The following SLC17A6 variants were observed in gnomAD, a reference collection of about 807,000 sequenced individuals.
SLC17A6 encodes solute carrier family 17 member 6.
A neutral mutation model predicts 67.1 loss-of-function variants in SLC17A6; 35 were observed. The observed-to-expected ratio is 0.52, with a 90% CI of 0.40 to 0.69. The LOEUF (loss-of-function observed/expected upper bound fraction) is 0.69, where lower values mean the gene tolerates loss of function less well. Ranked by LOEUF, SLC17A6 falls within the 30% of genes least tolerant of loss-of-function variation. The pLI, the probability that SLC17A6 is intolerant of heterozygous loss-of-function variation, is 0.00. For synonymous variants in SLC17A6, 285 were observed against 252.3 expected (o/e 1.13, Z -1.23); for missense variants, 588 against 723.9 (o/e 0.81, Z 2.15).
intron 8 of SLC17A6, among the ~76,000 whole-genome samples, chr11:22,372,052 A>C (rs980978855): frequency 6.6e-6 from 1 of 152,070 alleles, no homozygotes; most frequent in Non-Finnish European, 1.5e-5. Context: ...TAATGATATT[A>C]TTTAAGAAGT....
chr11:22,365,433 A>C, intron 6 of SLC17A6, 114 bp from the exon 7 acceptor site: 2 of 1,226,484 alleles, frequency 1.6e-6, no homozygotes, highest in Non-Finnish European at 2.4e-6. Context: ...GAGAAACATA[A>C]GCTTGAATTC....
chr11:22,339,144 TA>T (rs879399189), intron 1 of SLC17A6, among the ~76,000 whole-genome samples: 30,972 of 52,608 alleles, frequency 0.59, 7,576 homozygotes, highest in Admixed American at 0.64. Context: ...ATATATATGT[TA>T]TATATAGTTA....
At chr11:22,354,775 C>T (rs577905116) in intron 3 of SLC17A6, among the ~76,000 whole-genome samples, 2 of 152,346 alleles carry the variant, frequency 1.3e-5, no homozygotes, top group East Asian at 1.9e-4. Flanking sequence ...TTTTTACTCA[C>T]TCGGACATGG....
At chr11:22,369,998 T>C (rs1564986195) in intron 7 of SLC17A6, 41 bp from the exon 8 acceptor site, 4 of 1,584,174 alleles carry the variant, frequency 2.5e-6, no homozygotes, top group Non-Finnish European at 3.4e-6. Flanking sequence ...GGTTTGAAAA[T>C]ATTTAAAATG....
In SLC17A6 at chr11:22,341,570, G is replaced by A. The variant is rs1564977590; in HGVS notation, c.129G>A (p.Leu43=). 1 of 1,614,060 alleles carries A rather than the reference G, an allele frequency of 6.2e-7. No homozygotes were observed. Among genetic ancestry groups the A allele is most frequent in the Non-Finnish European group, 8.5e-7 (1 of 1,180,038 alleles). ...KKQDTGETIE[L]TEDGKPLEVP... ...AAGACACCGGGGAGACAATCGAGCT[G>A]ACGGAGGATGGGAAGCCCCTAGAGG... is the stretch of plus-strand genomic sequence containing the variant. The change falls in exon 2 of 12, where the codon CTG becomes CTA. Residue 43 remains leucine (L), a synonymous_variant. Coordinates refer to ENST00000263160, the MANE Select transcript of SLC17A6 (RefSeq NM_020346.3).
chr11:22,354,351 T>A (rs1199327587), intron 3 of SLC17A6, among the ~76,000 whole-genome samples: 4 of 152,250 alleles, frequency 2.6e-5, no homozygotes, highest in Non-Finnish European at 5.9e-5. Context: ...CCAAAAATGC[T>A]GGGATTACAG....
intron 7 of SLC17A6, among the ~76,000 whole-genome samples, chr11:22,367,539 A>G (rs1004625074): frequency 3.3e-5 from 5 of 152,094 alleles, no homozygotes; most frequent in African/African-American, 1.2e-4. Flanking sequence ...GATTGCTAGT[A>G]TGCACTGGTG....
chr11:22,351,277 G>C (rs560143109), intron 3 of SLC17A6, among the ~76,000 whole-genome samples: 1 of 151,930 alleles, frequency 6.6e-6, no homozygotes, highest in East Asian at 1.9e-4. Flanking sequence ...ACATGTACAG[G>C]CTTGTCATGT....
rs1436207620 is a variant in SLC17A6, at chr11:22,377,906, CT to C, written c.*167del. ...CCATGAGGTTACCATCAAGTGCAAT[CT>C]GTAAAATTGTGAAGTTCCATCATTT... On this transcript the variant is annotated 3_prime_UTR_variant, in exon 12 of 12. Coordinates refer to ENST00000263160, the MANE Select transcript of SLC17A6 (RefSeq NM_020346.3). 2 of 579,220 alleles carry C rather than the reference CT, an allele frequency of 3.5e-6. No individual in the cohort carries two copies. The highest frequency in any genetic ancestry group is 5.9e-5 in the East Asian group (2 of 34,052). The allele number at this position is 579,220 out of a possible 1,614,324, so 35.9% of individuals were successfully genotyped here.
intron 2 of SLC17A6, among the ~76,000 whole-genome samples, chr11:22,342,111 A>G (rs1266114758): frequency 1.3e-5 from 2 of 152,240 alleles, no homozygotes; most frequent in Admixed American, 6.5e-5. Flanking sequence ...ACTTGGATGA[A>G]TAGTGTAGCA....
At chr11:22,366,837 C>G (rs1000326424) in intron 7 of SLC17A6, among the ~76,000 whole-genome samples, 92 of 151,932 alleles carry the variant, frequency 6.1e-4, no homozygotes, top group African/African-American at 2.1e-3. Context: ...AACCCCGTCT[C>G]TACTAAAAAT....
At chr11:22,369,886 A>G (rs1856156447) in intron 7 of SLC17A6, among the ~76,000 whole-genome samples, 153 bp from the exon 8 acceptor site, 1 of 152,008 alleles carries the variant, frequency 6.6e-6, no homozygotes, top group African/African-American at 2.4e-5. Context: ...AGCTAAGGTT[A>G]ACTGGGTGGT....
chr11:22,375,023 C>A, intron 9 of SLC17A6, 136 bp downstream of exon 9: 2 of 896,264 alleles, frequency 2.2e-6, no homozygotes, highest in Non-Finnish European at 3.2e-6. Flanking sequence ...CTTAAAATAA[C>A]TTCCTCATAT....
In SLC17A6 at chr11:22,350,408, T is replaced by C. The variant is rs746170143; in HGVS notation, c.458+7043T>C. On this transcript the variant is annotated intron_variant, in intron 3 of 11. Coordinates refer to ENST00000263160, the MANE Select transcript of SLC17A6 (RefSeq NM_020346.3). Reference sequence around the variant, plus strand: ...AAGCAGAAATCAGGCTTTAACCTGATAATAATCAGCAAATTTATTTGAGAA... The same window carrying C: ...AAGCAGAAATCAGGCTTTAACCTGACAATAATCAGCAAATTTATTTGAGAA... Among the ~76,000 whole-genome samples the C allele has an allele frequency of 9.2e-5, 14 of 152,164 alleles. 1 individual carries two copies. The Middle Eastern group carries it at 0.017, about 185-fold the overall frequency.
chr11:22,349,422 A>G (rs887498889), intron 3 of SLC17A6, among the ~76,000 whole-genome samples: 5 of 152,204 alleles, frequency 3.3e-5, no homozygotes, highest in Non-Finnish European at 5.9e-5. Flanking sequence ...ACAAAAGAAA[A>G]TACCCTTTAC....
At chr11:22,340,134 T>C (rs1028366809) in intron 1 of SLC17A6, among the ~76,000 whole-genome samples, 1 of 152,218 alleles carries the variant, frequency 6.6e-6, no homozygotes, top group Non-Finnish European at 1.5e-5. Flanking sequence ...TATTTGAAAT[T>C]AGTTTAAAAA....
chr11:22,342,774 G>A (rs957159646), intron 2 of SLC17A6, among the ~76,000 whole-genome samples: 4 of 152,132 alleles, frequency 2.6e-5, no homozygotes, highest in African/African-American at 9.7e-5. Context: ...TAAAAGCCCT[G>A]CACCTTTCAC....
At chr11:22,374,540 T>A (rs1055431117) in intron 8 of SLC17A6, among the ~76,000 whole-genome samples, 6 of 146,088 alleles carry the variant, frequency 4.1e-5, no homozygotes, top group Non-Finnish European at 9.1e-5. Context: ...AAAAAAAAAA[T>A]TACCTTCTAA....
chr11:22,348,058 A>G (rs767167765), intron 3 of SLC17A6, among the ~76,000 whole-genome samples: 3 of 152,196 alleles, frequency 2.0e-5, no homozygotes, highest in Non-Finnish European at 2.9e-5. Flanking sequence ...GAGCTCATCT[A>G]ATCCAACCCT....
Sources: allele counts gnomAD v4.1 joint callset (sites outside exome capture counted in the v4.1 genomes callset), GRCh38; gene constraint gnomAD v4.1.1; transcripts MANE v1.5; gene names NCBI Gene and HGNC (gene_info 2026-07-23, HGNC 2026-07-21).